The following TEX9 variants were observed in gnomAD, a reference collection of about 807,000 sequenced individuals.
TEX9 encodes the protein testis-expressed protein 9.
In TEX9, 74 loss-of-function variants were observed where a neutral mutation model predicts 59.6. The ratio of observed to expected loss-of-function variants is 1.24; its 90% CI spans 1.03 to 1.51. The LOEUF (loss-of-function observed/expected upper bound fraction) is 1.51. TEX9 is among the 40% of genes most tolerant of loss of function. The pLI is 0.00. For missense variants in TEX9, 522 were observed against 447.8 expected (o/e 1.17, Z -1.49); for synonymous variants, 186 against 152.2 (o/e 1.22, Z -1.64).
intron 1 of TEX9, among the ~76,000 whole-genome samples, chr15:56,268,294 T>C (rs1175392958): frequency 1.3e-5 from 2 of 152,172 alleles, no homozygotes; most frequent in Non-Finnish European, 2.9e-5. Flanking sequence ...ACTTCCTCTT[T>C]TCCTAATTGA....
chr15:56,250,951 A>G (rs1234346486), intron 1 of TEX9, among the ~76,000 whole-genome samples: 5 of 152,224 alleles, frequency 3.3e-5, no homozygotes, highest in Admixed American at 2.6e-4. Context: ...GTATGTGTCA[A>G]CTTGGCTAGG....
intron 1 of TEX9, among the ~76,000 whole-genome samples, chr15:56,322,419 C>T (rs1454306416): frequency 3.9e-5 from 6 of 152,110 alleles, no homozygotes; most frequent in African/African-American, 1.2e-4. Flanking sequence ...CCATCGTGGT[C>T]ATGCAGAAAT....
At chr15:56,339,404 A>AAAAAACAAAAC (rs2046329054) in intron 1 of TEX9, among the ~76,000 whole-genome samples, 2 of 138,690 alleles carry the variant, frequency 1.4e-5, no homozygotes, top group Admixed American at 7.5e-5. Flanking sequence ...AAAAAAAAAA[A>AAAAAACAAAAC]AAAAAAAAAA....
chr15:56,372,217 T>G (rs968287069), intron 2 of TEX9, among the ~76,000 whole-genome samples: 1 of 152,192 alleles, frequency 6.6e-6, no homozygotes, highest in African/African-American at 2.4e-5. Context: ...AAGGCACCTT[T>G]AAGTCTTTCT....
chr15:56,327,275 G>A (rs1282746396), intron 1 of TEX9, among the ~76,000 whole-genome samples: 1 of 151,992 alleles, frequency 6.6e-6, no homozygotes, highest in African/African-American at 2.4e-5. Context: ...TTCCTGATTG[G>A]ACATTTAGAT....
Position 56,352,336 on chromosome 15 carries a change from C to T in TEX9, c.-106-21105C>T, listed in dbSNP as rs1205925882. ...CTTAACTCGCTGCAATCCCCGCCTC[C>T]CGGGTTCAAGCAATTCTCCTGCCTC... On this transcript the variant is annotated intron_variant, in intron 1 of 5. Transcript: ENST00000560827. Among the ~76,000 whole-genome samples, 4 of 152,142 alleles carry T rather than the reference C, an allele frequency of 2.6e-5. No homozygotes were observed. In the East Asian group the frequency reaches 7.7e-4, roughly 29 times the overall value.
rs1251775672 is a variant in TEX9 at position 56,313,579 on chromosome 15, A to G, written c.-106-59862A>G. On this transcript the variant is annotated intron_variant, in intron 1 of 5. Coordinates refer to the TEX9 transcript ENST00000560827. Reference sequence around the variant, plus strand: ...TATTTTATTGAGGATTTTTGCATCAATGTTCATCAAGGATATTGGTCTAAA... The same window carrying G: ...TATTTTATTGAGGATTTTTGCATCAGTGTTCATCAAGGATATTGGTCTAAA... Among the ~76,000 whole-genome samples, 119 of 133,534 alleles carry G rather than the reference A, an allele frequency of 8.9e-4. 1 individual carries two copies. The highest frequency in any genetic ancestry group is 3.0e-3 in the African/African-American group (112 of 37,024). The allele number at this position is 133,534 out of a possible 152,430, so 87.6% of individuals were successfully genotyped here.
At chr15:56,288,711 G>T (rs1467110659) in intron 1 of TEX9, among the ~76,000 whole-genome samples, 119 of 152,146 alleles carry the variant, frequency 7.8e-4, no homozygotes, top group African/African-American at 2.4e-5. Flanking sequence ...TAATGTCTTG[G>T]TGTAGTCTTG....
chr15:56,365,294 A>C, upstream of TEX9: 1 of 971,486 alleles, frequency 1.0e-6, no homozygotes, highest in East Asian at 2.7e-5. Flanking sequence ...GAGTGCTGCG[A>C]GCAAAGGCCG....
At chr15:56,422,497 TTA>T (rs753449589) in intron 10 of TEX9, among the ~76,000 whole-genome samples, 2 of 151,882 alleles carry the variant, frequency 1.3e-5, no homozygotes, top group South Asian at 2.1e-4. Flanking sequence ...TCAGCATTTG[TTA>T]TATATATGTT....
chr15:56,246,248 TGTG>T (rs2043854389), intron 1 of TEX9, among the ~76,000 whole-genome samples: 1 of 151,364 alleles, frequency 6.6e-6, no homozygotes, highest in African/African-American at 2.4e-5. Context: ...CTGACCGGAG[TGTG>T]GTGGTAAACC....
In TEX9 at chr15:56,322,974, A is replaced by G. The variant is rs1250699258; in HGVS notation, c.-106-50467A>G. Among the ~76,000 whole-genome samples the G allele has an allele frequency of 2.6e-5, 4 of 152,220 alleles. No homozygotes were observed. The East Asian group carries it at 5.8e-4, about 22-fold the overall frequency. Reference sequence around the variant, plus strand: ...GAAGAAGGAGGAGGAAAAGAATATCACAGAGTACTTCCTAACAAAAATAAA... The same window carrying G: ...GAAGAAGGAGGAGGAAAAGAATATCGCAGAGTACTTCCTAACAAAAATAAA... On this transcript the variant is annotated intron_variant, in intron 1 of 5. Transcript: ENST00000560827.
chr15:56,456,516 T>C, the TEX9 span: 1 of 1,608,102 alleles, frequency 6.2e-7, no homozygotes, highest in Non-Finnish European at 8.5e-7. Context: ...TCTTGTTTTC[T>C]TCTGCCTGAA....
rs758416266 is a variant in TEX9, at chr15:56,428,347, A to T, written c.1099-20A>T. The T allele has an allele frequency of 3.8e-6, 6 of 1,586,046 alleles. No individual in the cohort carries two copies. The highest frequency in any genetic ancestry group is 5.2e-6 in the Non-Finnish European group (6 of 1,156,464). On this transcript the variant is annotated intron_variant, in intron 11 of 12. Transcript: ENST00000352903. The stretch of plus-strand genomic sequence containing the variant: ...TACTCTTAATACTAAATCAGACAAT[A>T]TTGATTTTTTTTTTAACAGATGCAT...
intron 9 of TEX9, chr15:56,397,787 T>A (rs1179970644): frequency 6.6e-6 from 1 of 152,334 alleles, no homozygotes; most frequent in South Asian, 2.1e-4. Flanking sequence ...CTCAGGAGAT[T>A]TGATGGTTTT....
At chr15:56,457,408 T>C in the TEX9 span, among the ~76,000 whole-genome samples, 7 of 152,168 alleles carry the variant, frequency 4.6e-5, no homozygotes, top group Non-Finnish European at 8.8e-5. Context: ...CCTATTGGAA[T>C]GGCTAAAACA....
chr15:56,394,597 C>A (rs1342000884), intron 8 of TEX9, 64 bp from the exon 9 acceptor site: 2 of 1,207,852 alleles, frequency 1.7e-6, no homozygotes, highest in East Asian at 2.5e-5. Flanking sequence ...GTCTTTTTTT[C>A]TGCTTTGTTT....
At position 56,394,292 on chromosome 15, in the gene TEX9, T is replaced by C. The variant is rs762298756; in HGVS notation, c.654+45T>C. 10 of 1,446,574 alleles carry C rather than the reference T, an allele frequency of 6.9e-6. No individual in the cohort carries two copies. The South Asian group carries it at 1.2e-4, about 17-fold the overall frequency. The allele number at this position is 1,446,574 out of a possible 1,614,324, so 89.6% of individuals were successfully genotyped here. A position where few individuals can be genotyped will look rare whatever the true frequency, so the allele number is the denominator to read the frequency against. On this transcript the variant is annotated intron_variant, in intron 8 of 12. Transcript: ENST00000352903. ...TAAAAGGCTCTAATATTCAAAGATA[T>C]TTTAGGAGCAATTTCAATTACATTT... is the stretch of plus-strand genomic sequence containing the variant.
intron 1 of TEX9, among the ~76,000 whole-genome samples, chr15:56,336,607 A>G (rs182931069): frequency 6.6e-6 from 1 of 152,302 alleles, no homozygotes; most frequent in East Asian, 1.9e-4. Flanking sequence ...ACAGCCTGAG[A>G]TGACAGATGG....
Sources: gnomAD v4.1 joint callset for allele counts (sites outside exome capture counted in the v4.1 genomes callset) on GRCh38, gnomAD v4.1.1 for gene constraint, MANE v1.5 for transcripts, NCBI Gene and HGNC (gene_info 2026-07-23, HGNC 2026-07-21) for gene names.